Variants in TTC8 observed in about 807,000 individuals in gnomAD.
TTC8 encodes tetratricopeptide repeat protein 8.
TTC8 carries 47 observed loss-of-function variants against 72.5 expected under a neutral mutation model. The observed-to-expected ratio is 0.65, with a 90% CI of 0.51 to 0.83. TTC8 has a LOEUF of 0.83. TTC8 is among the 40% of genes least tolerant of loss of function. The pLI is 0.00. For missense variants in TTC8, 611 were observed against 623.2 expected (o/e 0.98, Z 0.21); for synonymous variants, 199 against 221.4 (o/e 0.90, Z 0.90).
intron 8 of TTC8, among the ~76,000 whole-genome samples, chr14:88,854,629 A>G (rs774190711): frequency 3.9e-5 from 6 of 152,200 alleles, no homozygotes; most frequent in Admixed American, 6.5e-5. Flanking sequence ...TGAAATTCAT[A>G]TATGTTTCAT....
chr14:88,866,763 AAC>A (rs1388065525), intron 10 of TTC8, among the ~76,000 whole-genome samples: 2 of 152,166 alleles, frequency 1.3e-5, no homozygotes, highest in Non-Finnish European at 2.9e-5. Flanking sequence ...TCTGGAATAG[AAC>A]ACAGTCAGTG....
chr14:88,842,596 T>C (rs1163446118), intron 6 of TTC8, among the ~76,000 whole-genome samples: 6 of 152,336 alleles, frequency 3.9e-5, no homozygotes, highest in African/African-American at 4.8e-5. Flanking sequence ...TCTGGCTAGT[T>C]GATACCATTG....
chr14:88,852,511 C>G (rs2094838021), intron 7 of TTC8, among the ~76,000 whole-genome samples: 4 of 152,134 alleles, frequency 2.6e-5, no homozygotes, highest in Admixed American at 2.6e-4. Context: ...ATTTTCCAAG[C>G]CTTTTCTCTA....
chr14:88,832,217 G>C (rs937103070), intron 1 of TTC8, among the ~76,000 whole-genome samples: 1 of 152,222 alleles, frequency 6.6e-6, no homozygotes, highest in Non-Finnish European at 1.5e-5. Flanking sequence ...AGATCGCGGA[G>C]ACTTTCCTCA....
At chr14:88,861,118 G>GTAA in intron 9 of TTC8, 104 bp from the exon 10 acceptor site, 1 of 908,466 alleles carries the variant, frequency 1.1e-6, no homozygotes, top group Non-Finnish European at 1.7e-6. Flanking sequence ...ATTCTTTAAT[G>GTAA]TAATATCTAG....
intron 11 of TTC8, 115 bp downstream of exon 11, chr14:88,870,313 T>C: frequency 8.6e-7 from 1 of 1,160,042 alleles, no homozygotes; most frequent in Non-Finnish European, 1.3e-6. Context: ...TTTATGAAAC[T>C]CAAATGTCAA....
intron 7 of TTC8, among the ~76,000 whole-genome samples, chr14:88,852,450 G>A (rs1055457875): frequency 3.3e-5 from 5 of 152,158 alleles, no homozygotes; most frequent in Non-Finnish European, 5.9e-5. Context: ...GGTTGTTGAA[G>A]ACAACAGTTA....
rs572462049 is a variant in TTC8, at chr14:88,855,722, A to G, written c.711-1468A>G. ...AAAGAAACAAGTTAGATAAAAATAC[A>G]CAGACTCTCATGGATAATTTAAATT... On this transcript the variant is annotated intron_variant, in intron 8 of 14. Transcript: ENST00000380656. Among the ~76,000 whole-genome samples, 16 of 152,356 alleles carry G rather than the reference A, an allele frequency of 1.1e-4. No individual in the cohort carries two copies. In the East Asian group the frequency reaches 3.1e-3, roughly 29 times the overall value.
chr14:88,862,243 T>C lies in TTC8; in HGVS notation c.909+911T>C, dbSNP rs568573618. On this transcript the variant is annotated intron_variant, in intron 10 of 14. Coordinates refer to ENST00000380656, the MANE Select transcript of TTC8 (RefSeq NM_144596.4). Reference sequence around the variant, plus strand: ...ACATTTCCCGGATGATTAGTAATGTTGAGCATGTGTTCATATACCTGTTGG... The same window carrying C: ...ACATTTCCCGGATGATTAGTAATGTCGAGCATGTGTTCATATACCTGTTGG... Among the ~76,000 whole-genome samples, 15 of 152,188 alleles carry C rather than the reference T, an allele frequency of 9.9e-5. No homozygotes were observed. In the East Asian group the frequency reaches 2.5e-3, roughly 26 times the overall value.
Position 88,841,444 on chromosome 14 carries a change from C to G in TTC8, c.509C>G (p.Pro170Arg). Residue 170 changes from proline to arginine, a missense_variant, in exon 6 of 15, where the codon CCT becomes CGT. Coordinates refer to ENST00000380656, the MANE Select transcript of TTC8 (RefSeq NM_144596.4). ...RLGTASMLTSPDGPFINLSRL... is the reference protein window; with the variant it reads ...RLGTASMLTSRDGPFINLSRL... Reference sequence around the variant, plus strand: ...CTGTAGGCTTCCATGCTTACAAGTCCTGATGGACCATTTATAAATTTATCT... The same window carrying G: ...CTGTAGGCTTCCATGCTTACAAGTCGTGATGGACCATTTATAAATTTATCT... The G allele has an allele frequency of 6.2e-7, 1 of 1,613,738 alleles. No homozygotes were observed. Among genetic ancestry groups the G allele is most frequent in the Non-Finnish European group, 8.5e-7 (1 of 1,179,852 alleles).
intron 2 of TTC8, among the ~76,000 whole-genome samples, chr14:88,838,367 T>C (rs868012628): frequency 6.6e-6 from 1 of 152,142 alleles, no homozygotes; most frequent in African/African-American, 2.4e-5. Flanking sequence ...ATATACTGAA[T>C]GCATCTTGAG....
chr14:88,855,561 C>T (rs1447051228), intron 8 of TTC8, among the ~76,000 whole-genome samples: 1 of 152,092 alleles, frequency 6.6e-6, no homozygotes, highest in African/African-American at 2.4e-5. Context: ...CTTTGGCTTT[C>T]ATGTAGTGTA....
At chr14:88,843,677 TA>T in intron 6 of TTC8, 128 bp from the exon 7 acceptor site, 1 of 618,996 alleles carries the variant, frequency 1.6e-6, no homozygotes. Context: ...AGTAATATTT[TA>T]AAATGAGTGA....
At chr14:88,837,693 G>C (rs893721571) in intron 2 of TTC8, among the ~76,000 whole-genome samples, 2 of 152,174 alleles carry the variant, frequency 1.3e-5, no homozygotes, top group African/African-American at 4.8e-5. Context: ...ATATAAATCA[G>C]TATTGCCTAT....
intron 10 of TTC8, among the ~76,000 whole-genome samples, chr14:88,861,555 T>A (rs905211424): frequency 6.6e-5 from 10 of 152,178 alleles, no homozygotes; most frequent in Non-Finnish European, 1.5e-4. Context: ...AACCATAATT[T>A]CCCTACTGTA....
chr14:88,840,842 G>A, intron 3 of TTC8, 23 bp from the exon 4 acceptor site: 2 of 1,610,854 alleles, frequency 1.2e-6, no homozygotes, highest in Non-Finnish European at 1.7e-6. Context: ...TATATAAATT[G>A]TATTAGCCAT....
At chr14:88,830,702 AC>A (rs1277007307) in intron 1 of TTC8, among the ~76,000 whole-genome samples, 1 of 152,254 alleles carries the variant, frequency 6.6e-6, no homozygotes, top group Non-Finnish European at 1.5e-5. Flanking sequence ...TTTCTGCTCA[AC>A]TGCGCTGATA....
At chr14:88,824,582 C>T (rs2094689194), upstream of TTC8, 3 of 690,570 alleles carry the variant, frequency 4.3e-6, no homozygotes, top group African/African-American at 3.6e-5. Flanking sequence ...AGGCGCGCTG[C>T]GGGCACCTCT....
At chr14:88,842,498 C>CT (rs2094786406) in intron 6 of TTC8, among the ~76,000 whole-genome samples, 1 of 152,130 alleles carries the variant, frequency 6.6e-6, no homozygotes, top group Non-Finnish European at 1.5e-5. Flanking sequence ...CCTTACTTCC[C>CT]TTTCTTTTAT....
Sources: gnomAD v4.1 joint callset for allele counts (sites outside exome capture counted in the v4.1 genomes callset) on GRCh38, gnomAD v4.1.1 for gene constraint, MANE v1.5 for transcripts, NCBI Gene and HGNC (gene_info 2026-07-23, HGNC 2026-07-21) for gene names.